ARHGEF18: variants seen among roughly 807,000 people sequenced by gnomAD.
The protein encoded by ARHGEF18 is rho guanine nucleotide exchange factor 18.
ARHGEF18 carries 93 observed loss-of-function variants against 155.7 expected under a neutral mutation model. That is an observed-to-expected ratio of 0.60 (90% CI 0.50 to 0.71). The LOEUF (loss-of-function observed/expected upper bound fraction) is 0.71, where lower values mean the gene tolerates loss of function less well. Among genes scored for constraint, ARHGEF18 ranks in the 30% least tolerant of loss-of-function variants. ARHGEF18 has a pLI of 0.00. For missense variants in ARHGEF18, 1,593 were observed against 1,816.1 expected, an observed-to-expected ratio of 0.88 and a Z score of 2.23; for synonymous variants, 742 against 753.1, an observed-to-expected ratio of 0.99 and a Z score of 0.24.
intron 23 of ARHGEF18, among the ~76,000 whole-genome samples, chr19:7,466,467 G>T (rs1976614943): frequency 6.7e-6 from 1 of 149,960 alleles, no homozygotes; most frequent in Non-Finnish European, 1.5e-5. Flanking sequence ...CGAGGTGGGA[G>T]GATCAGGCCA....
chr19:7,467,027 CCTCAGCCCGATAACTAGCAT>C (rs1289164880), intron 24 of ARHGEF18, 24 bp from the exon 25 acceptor site: 1 of 1,611,576 alleles, frequency 6.2e-7, no homozygotes, highest in South Asian at 1.1e-5. Flanking sequence ...GCGCGTGTGG[CCTCAGCCCGATAACTAGCAT>C]CAATCTCCCT....
rs1259650495 is a variant in ARHGEF18 at position 7,440,023 on chromosome 19, C to G, written c.968-321C>G. ...GCAAGGGAAGACGCAGCTCTGTTTT[C>G]TAGAAGGATCCCACCGAGGCATAAA... On this transcript the variant is annotated intron_variant, in intron 10 of 28. Transcript: ENST00000668164. The surrounding 1 kb of genome is among the most constrained non-coding windows in gnomAD (Gnocchi z 5.4). 1 of 1,550,620 alleles carries G rather than the reference C, an allele frequency of 6.4e-7. No homozygotes were observed. The highest frequency in any genetic ancestry group is 8.7e-7 in the Non-Finnish European group (1 of 1,146,804).
At chr19:7,455,391 TAGAC>T (rs1975765515) in intron 17 of ARHGEF18, among the ~76,000 whole-genome samples, 1 of 152,190 alleles carries the variant, frequency 6.6e-6, no homozygotes, top group African/African-American at 2.4e-5. Context: ...GTATCTGACT[TAGAC>T]AGGGGTGTTG....
intron 10 of ARHGEF18, among the ~76,000 whole-genome samples, chr19:7,435,858 G>C (rs1974223006): frequency 6.6e-6 from 1 of 152,054 alleles, no homozygotes; most frequent in Non-Finnish European, 1.5e-5. Flanking sequence ...TTCTTTTTCA[G>C]AGTCTTGCTC....
chr19:7,478,066 C>T, the ARHGEF18 span, among the ~76,000 whole-genome samples: 2 of 152,228 alleles, frequency 1.3e-5, no homozygotes, highest in Admixed American at 1.3e-4. Context: ...CCATGGCCTT[C>T]GGGAAATTGA....
intron 10 of ARHGEF18, among the ~76,000 whole-genome samples, chr19:7,408,384 G>A (rs1263764275): frequency 6.6e-6 from 1 of 152,230 alleles, no homozygotes; most frequent in Non-Finnish European, 1.5e-5. Context: ...AGAGAAACAA[G>A]TGGGCGTGGC....
chr19:7,383,441 C>T (rs907629096), intron 10 of ARHGEF18: 1 of 407,500 alleles, frequency 2.5e-6, no homozygotes, highest in East Asian at 3.6e-5. Context: ...TGGGAATCCT[C>T]CTGCAGCATC....
chr19:7,383,946 A>G (rs8100029), intron 10 of ARHGEF18, among the ~76,000 whole-genome samples: 17,644 of 151,962 alleles, frequency 0.12, 1,960 homozygotes, highest in African/African-American at 0.29. Context: ...AAAAAGTACC[A>G]GATTCAAGAG....
At chr19:7,420,189 A>G (rs377064519) in intron 10 of ARHGEF18, among the ~76,000 whole-genome samples, 15 of 151,668 alleles carry the variant, frequency 9.9e-5, no homozygotes, top group East Asian at 9.7e-4. Context: ...CCTGGGCTCA[A>G]GTGATCCTCC....
chr19:7,407,223 G>A (rs1287025335), intron 10 of ARHGEF18, among the ~76,000 whole-genome samples: 3 of 150,988 alleles, frequency 2.0e-5, no homozygotes, highest in East Asian at 3.9e-4. Flanking sequence ...TCAGGAGTTC[G>A]AGACCAGCCT....
intron 5 of ARHGEF18, among the ~76,000 whole-genome samples, chr19:7,377,965 C>T (rs56296218): frequency 0.24 from 35,896 of 151,748 alleles, 4,446 homozygotes; most frequent in Non-Finnish European, 0.27. Flanking sequence ...TGGTGGTGTG[C>T]GCCTGTAATC....
intron 10 of ARHGEF18, among the ~76,000 whole-genome samples, chr19:7,394,725 C>T (rs182519186): frequency 1.3e-4 from 20 of 151,742 alleles, no homozygotes; most frequent in Admixed American, 1.2e-3. Flanking sequence ...CTCCTCAGGA[C>T]TCCCTCCCCA....
At position 7,378,486 on chromosome 19, in the gene ARHGEF18, C is replaced by T. The variant is rs896170722; in HGVS notation, c.599+35C>T. 3 of 1,233,294 alleles carry T rather than the reference C, an allele frequency of 2.4e-6. No individual in the cohort carries two copies. The African/African-American group carries it at 4.7e-5, about 19-fold the overall frequency. 76.4% of individuals were successfully genotyped at this position (1,233,294 alleles called of 1,614,324 possible). Reference sequence around the variant, plus strand: ...TGCCTCGTGGTGGGGGAGGGACCCCCAGGGAACAGGCCACAAAGTCAGGGC... The same window carrying T: ...TGCCTCGTGGTGGGGGAGGGACCCCTAGGGAACAGGCCACAAAGTCAGGGC... On this transcript the variant is annotated intron_variant, in intron 6 of 28. Transcript: ENST00000668164.
intron 3 of ARHGEF18, among the ~76,000 whole-genome samples, chr19:7,374,446 G>T (rs1291100589): frequency 2.0e-5 from 3 of 151,936 alleles, no homozygotes; most frequent in Non-Finnish European, 2.9e-5. Context: ...GGAGGCCAAG[G>T]CGGGTGGATC....
intron 10 of ARHGEF18, among the ~76,000 whole-genome samples, chr19:7,399,682 G>A (rs1463909859): frequency 1.3e-5 from 2 of 151,360 alleles, no homozygotes; most frequent in Admixed American, 1.3e-4. Context: ...GGGTTTCACC[G>A]TGTTAGCCAG....
At position 7,375,705 on chromosome 19, in the gene ARHGEF18, T is replaced by G; in HGVS notation, c.276-15T>G. The G allele has an allele frequency of 8.1e-7, 1 of 1,234,264 alleles. No individual in the cohort carries two copies. The highest frequency in any genetic ancestry group is 1.0e-6 in the Non-Finnish European group (1 of 988,174). 76.5% of individuals were successfully genotyped at this position (1,234,264 alleles called of 1,614,324 possible). ...AAGACCTGCTGAAGCCCCAGTACCC[T>G]GTCTTCTCCACTAGGCTCAGCCTCG... On this transcript the variant is annotated splice_polypyrimidine_tract_variant and intron_variant, in intron 3 of 28. Coordinates refer to ENST00000668164, the MANE Select transcript of ARHGEF18 (RefSeq NM_001367823.1).
chr19:7,422,562 C>G (rs1973418500), intron 10 of ARHGEF18, among the ~76,000 whole-genome samples: 1 of 151,894 alleles, frequency 6.6e-6, no homozygotes, highest in Non-Finnish European at 1.5e-5. Context: ...AAATGACTCA[C>G]CTTCCTCCTC....
At chr19:7,476,966 C>T, downstream of ARHGEF18, 1 of 413,038 alleles carries the variant, frequency 2.4e-6, no homozygotes, top group Non-Finnish European at 4.3e-6. Flanking sequence ...ATACAAGACG[C>T]CAGCTGGCAG....
At chr19:7,450,752 G>C in intron 15 of ARHGEF18, among the ~76,000 whole-genome samples, 1 of 152,304 alleles carries the variant, frequency 6.6e-6, no homozygotes, top group South Asian at 2.1e-4. Context: ...TGTTAATGCG[G>C]GATCTTGCTG....
Sources: gnomAD v4.1 joint callset for allele counts (sites outside exome capture counted in the v4.1 genomes callset) on GRCh38, gnomAD v4.1.1 for gene constraint, Gnocchi (gnomAD v3.1) non-coding constraint, MANE v1.5 for transcripts, NCBI Gene and HGNC (gene_info 2026-07-23, HGNC 2026-07-21) for gene names.